The following DGKI variants were observed in gnomAD, a reference collection of about 807,000 sequenced individuals.
DGKI encodes the protein DAG kinase iota.
DGKI carries 55 observed loss-of-function variants against 147.5 expected under a neutral mutation model. That is an observed-to-expected ratio of 0.37 (90% CI 0.30 to 0.47). The LOEUF is 0.47. Among genes scored for constraint, DGKI ranks in the 20% least tolerant of loss-of-function variants. DGKI has a pLI of 1.00. For missense variants in DGKI, 1,007 were observed against 1,323.8 expected (o/e 0.76, Z 3.71); for synonymous variants, 469 against 477.1 (o/e 0.98, Z 0.22).
chr7:137,708,520 T>C (rs1022214790), intron 1 of DGKI, among the ~76,000 whole-genome samples: 12 of 152,214 alleles, frequency 7.9e-5, no homozygotes, highest in East Asian at 7.7e-4. Context: ...AATTCTAAGA[T>C]AACAGGAAAC....
intron 1 of DGKI, among the ~76,000 whole-genome samples, chr7:137,801,068 A>G (rs530731063): frequency 9.5e-4 from 145 of 152,278 alleles, no homozygotes; most frequent in African/African-American, 3.5e-3. Flanking sequence ...GCACTCTGCA[A>G]TTTTTCATTC....
intron 28 of DGKI, among the ~76,000 whole-genome samples, chr7:137,422,595 C>CTTTT (rs60494368): frequency 4.0e-4 from 25 of 62,000 alleles, no homozygotes; most frequent in African/African-American, 1.3e-3. Flanking sequence ...TTTTTCTTTT[C>CTTTT]TTTTTTTTTT....
At chr7:137,686,796 G>A (rs1487231993) in intron 2 of DGKI, among the ~76,000 whole-genome samples, 1 of 152,120 alleles carries the variant, frequency 6.6e-6, no homozygotes, top group Admixed American at 6.5e-5. Flanking sequence ...TCTCCTCAAA[G>A]CCTTTTGCCA....
Position 137,608,862 on chromosome 7 carries a change from C to T in DGKI, c.1167+104G>A, listed in dbSNP as rs148603018. ...CTTGTTCCTGAGAAACCGGTGTCTT[C>T]CAAAGCTTGGGATCCTAGTGGTACT... On this transcript the variant is annotated intron_variant, in intron 10 of 32. Transcript: ENST00000614521. 11 of 893,482 alleles carry T rather than the reference C, an allele frequency of 1.2e-5. No individual in the cohort carries two copies. In the Middle Eastern group the frequency reaches 8.8e-4, roughly 71 times the overall value. 55.3% of individuals were successfully genotyped at this position (893,482 alleles called of 1,614,324 possible). A position where few individuals can be genotyped will look rare whatever the true frequency, so the allele number is the denominator to read the frequency against.
rs1484182092 is a variant in DGKI, at chr7:137,434,373, A to G, written c.2761+9704T>C. ...GGCAGGCAGATTGCCTGAGGTCAGGAGTTTGAGACCAGGCTGACCAACATG... is the reference window on the plus strand; with the variant it reads ...GGCAGGCAGATTGCCTGAGGTCAGGGGTTTGAGACCAGGCTGACCAACATG... On this transcript the variant is annotated intron_variant, in intron 28 of 32. Coordinates refer to ENST00000614521, the MANE Select transcript of DGKI (RefSeq NM_001321708.2). Among the ~76,000 whole-genome samples the G allele has an allele frequency of 2.0e-5, 3 of 152,112 alleles. No homozygotes were observed. In the East Asian group the frequency reaches 5.8e-4, roughly 29 times the overall value.
At chr7:137,832,388 C>A (rs546043517) in intron 1 of DGKI, among the ~76,000 whole-genome samples, 11 of 152,340 alleles carry the variant, frequency 7.2e-5, no homozygotes, top group Admixed American at 6.5e-4. Context: ...TGGAGGTTCC[C>A]AAACTTTGAT....
Position 137,587,144 on chromosome 7 carries a change from G to A in DGKI, c.1378C>T (p.Pro460Ser). 6.2e-7 allele frequency: 1 copy of A among 1,612,834 alleles called. No homozygotes were observed. Residue 460 changes from proline to serine, a missense_variant, in exon 13 of 33, where the codon CCT (proline) becomes TCT (serine). Pro to Ser is a moderately conservative substitution (Grantham distance 74). Coordinates refer to ENST00000614521, the MANE Select transcript of DGKI (RefSeq NM_001321708.2). ...GCCAGGTCATTCCCAGTCCCCAGAG[G>A]AAGGACCCCCACAGGAGGCTGAGGG... ...LSPQPPVGVLPLGTGNDLART... is the reference protein window; with the variant it reads ...LSPQPPVGVLSLGTGNDLART...
rs553897776 is a variant in DGKI at position 137,683,752 on chromosome 7, G to C, written c.511-5100C>G. 6.6e-5 allele frequency among the ~76,000 whole-genome samples: 10 copies of C among 152,204 alleles called. 1 individual carries two copies. The Middle Eastern group carries it at 0.02, about 311-fold the overall frequency. On this transcript the variant is annotated intron_variant, in intron 2 of 32. Transcript: ENST00000614521. ...TCTAAACAAAGATAGCACTTCTTCT[G>C]TACTTGTGAGTGCTGAGACTCACAA...
At chr7:137,501,123 G>A (rs1816156866) in intron 21 of DGKI, among the ~76,000 whole-genome samples, 1 of 152,036 alleles carries the variant, frequency 6.6e-6, no homozygotes, top group South Asian at 2.1e-4. Context: ...TGCCCTATTT[G>A]TCTTTCTGTG....
intron 28 of DGKI, among the ~76,000 whole-genome samples, chr7:137,421,079 C>A (rs1468465791): frequency 2.0e-5 from 3 of 151,950 alleles, no homozygotes; most frequent in Non-Finnish European, 2.9e-5. Flanking sequence ...CTCTCCCAAT[C>A]TCCTCCCCTT....
In DGKI at chr7:137,547,243, G is replaced by A. The variant is rs542332747; in HGVS notation, c.2147+5126C>T. Among the ~76,000 whole-genome samples, 36 of 152,154 alleles carry A rather than the reference G, an allele frequency of 2.4e-4. 1 individual carries two copies. Among genetic ancestry groups the A allele is most frequent in the Non-Finnish European group, 8.8e-5 (6 of 68,026 alleles). On this transcript the variant is annotated intron_variant, in intron 20 of 32. Coordinates refer to ENST00000614521, the MANE Select transcript of DGKI (RefSeq NM_001321708.2). ...GTTCATACTCTGTGTAGATTCCTATGCTATGATAAATGACATATGCTCCCA... is the reference window on the plus strand; with the variant it reads ...GTTCATACTCTGTGTAGATTCCTATACTATGATAAATGACATATGCTCCCA...
intron 20 of DGKI, among the ~76,000 whole-genome samples, chr7:137,542,807 C>T (rs1284711167): frequency 2.6e-5 from 4 of 152,152 alleles, no homozygotes; most frequent in East Asian, 1.9e-4. Flanking sequence ...AATACAAAGT[C>T]GTTCATATGG....
chr7:137,453,718 G>T (rs1814068062), intron 27 of DGKI, among the ~76,000 whole-genome samples: 1 of 152,154 alleles, frequency 6.6e-6, no homozygotes, highest in Non-Finnish European at 1.5e-5. Flanking sequence ...AGAGCAAAAT[G>T]AAAGGAAGAA....
chr7:137,523,422 T>TTCTC (rs899146634), intron 20 of DGKI, among the ~76,000 whole-genome samples: 1 of 148,422 alleles, frequency 6.7e-6, no homozygotes, highest in East Asian at 1.9e-4. Context: ...ACATGGTGCA[T>TTCTC]TCTCTCTCTC....
At chr7:137,759,339 T>C (rs535533117) in intron 1 of DGKI, among the ~76,000 whole-genome samples, 1 of 152,210 alleles carries the variant, frequency 6.6e-6, no homozygotes, top group East Asian at 1.9e-4. Context: ...ACATTCTTTT[T>C]TTTTTTTCTT....
intron 1 of DGKI, among the ~76,000 whole-genome samples, chr7:137,783,324 C>G (rs571528381): frequency 6.6e-6 from 1 of 152,172 alleles, no homozygotes; most frequent in Admixed American, 6.5e-5. Flanking sequence ...CACAGAAATG[C>G]AAAATGCACT....
At chr7:137,615,611 A>G (rs1041041414) in intron 8 of DGKI, among the ~76,000 whole-genome samples, 5 of 150,384 alleles carry the variant, frequency 3.3e-5, no homozygotes, top group African/African-American at 7.4e-5. Context: ...GCTATTCTCC[A>G]CCTATGTTCC....
chr7:137,795,596 A>C (rs1796997394), intron 1 of DGKI, among the ~76,000 whole-genome samples: 1 of 152,180 alleles, frequency 6.6e-6, no homozygotes, highest in Admixed American at 6.6e-5. Flanking sequence ...AAATATGGGA[A>C]ATGAGAAGTC....
chr7:137,499,406 G>A (rs909171471), intron 21 of DGKI, among the ~76,000 whole-genome samples: 1 of 152,120 alleles, frequency 6.6e-6, no homozygotes, highest in Non-Finnish European at 1.5e-5. Flanking sequence ...ACAATTTCTG[G>A]CTGTGTCTGT....
Sources: allele counts gnomAD v4.1 joint callset (sites outside exome capture counted in the v4.1 genomes callset), GRCh38; gene constraint gnomAD v4.1.1; transcripts MANE v1.5; gene names NCBI Gene and HGNC (gene_info 2026-07-23, HGNC 2026-07-21).